MACROD2: variants seen among roughly 807,000 people sequenced by gnomAD.
MACROD2 encodes ADP-ribose glycohydrolase MACROD2.
MACROD2 carries 36 observed loss-of-function variants against 70.4 expected under a neutral mutation model. The observed-to-expected ratio is 0.51, with a 90% CI of 0.39 to 0.68. MACROD2 has a LOEUF of 0.68. Ranked by LOEUF, MACROD2 falls within the 30% of genes least tolerant of loss-of-function variation. The pLI, the probability that MACROD2 is intolerant of heterozygous loss-of-function variation, is 0.00. For synonymous variants in MACROD2, 172 were observed against 178.8 expected (o/e 0.96, Z 0.30); for missense variants, 496 against 538.4 (o/e 0.92, Z 0.78).
chr20:14,788,255 G>A (rs1293842585), intron 5 of MACROD2, among the ~76,000 whole-genome samples: 4 of 152,034 alleles, frequency 2.6e-5, no homozygotes, highest in African/African-American at 9.7e-5. Context: ...GGGATAAGCA[G>A]TGTATGCAGA....
At chr20:15,743,696 T>C (rs1005854032) in intron 8 of MACROD2, among the ~76,000 whole-genome samples, 4 of 152,298 alleles carry the variant, frequency 2.6e-5, no homozygotes, top group African/African-American at 7.2e-5. Flanking sequence ...GCTGCACTTG[T>C]GTTTGAGCCA....
chr20:14,875,818 A>T (rs941113399), intron 5 of MACROD2, among the ~76,000 whole-genome samples: 2 of 152,060 alleles, frequency 1.3e-5, no homozygotes, highest in Non-Finnish European at 2.9e-5. Context: ...ATATAATTTT[A>T]TTCTTTTTCA....
At chr20:16,033,854 G>GTGC (rs1348110413) in intron 15 of MACROD2, among the ~76,000 whole-genome samples, 1 of 150,808 alleles carries the variant, frequency 6.6e-6, no homozygotes, top group African/African-American at 2.4e-5. Context: ...TCACAGTAGG[G>GTGC]GGTGGGGTGG....
chr20:14,683,844 CTTTAT>C (rs1179466034), intron 4 of MACROD2, among the ~76,000 whole-genome samples: 1 of 151,600 alleles, frequency 6.6e-6, no homozygotes, highest in African/African-American at 2.4e-5. Flanking sequence ...CTCTCTTTTC[CTTTAT>C]TTTATAATCT....
At chr20:15,436,996 T>C (rs2046435909) in intron 7 of MACROD2, among the ~76,000 whole-genome samples, 1 of 152,156 alleles carries the variant, frequency 6.6e-6, no homozygotes, top group South Asian at 2.1e-4. Flanking sequence ...TGCTTGCAGA[T>C]TGATGTTCAC....
At chr20:15,021,847 T>C (rs2075188903) in intron 5 of MACROD2, among the ~76,000 whole-genome samples, 1 of 152,170 alleles carries the variant, frequency 6.6e-6, no homozygotes, top group South Asian at 2.1e-4. Context: ...TGGACTTTAG[T>C]TAATAATAAT....
intron 3 of MACROD2, among the ~76,000 whole-genome samples, chr20:14,139,799 T>C (rs1006916255): frequency 6.6e-6 from 1 of 152,196 alleles, no homozygotes; most frequent in Non-Finnish European, 1.5e-5. Context: ...CTGAAATGCT[T>C]CCAAATCTGA....
chr20:15,426,467 C>A (rs1169632277), intron 6 of MACROD2, among the ~76,000 whole-genome samples: 1 of 152,082 alleles, frequency 6.6e-6, no homozygotes, highest in Non-Finnish European at 1.5e-5. Context: ...ACTTCAGCCT[C>A]CTGAGTAGCT....
At chr20:15,309,723 A>G (rs1022608559) in intron 6 of MACROD2, among the ~76,000 whole-genome samples, 18 of 152,184 alleles carry the variant, frequency 1.2e-4, no homozygotes, top group Non-Finnish European at 2.5e-4. Flanking sequence ...ATATTATAAT[A>G]TTCTATATAG....
At chr20:15,578,868 G>A (rs951969605) in intron 8 of MACROD2, among the ~76,000 whole-genome samples, 2 of 152,096 alleles carry the variant, frequency 1.3e-5, no homozygotes, top group Admixed American at 1.3e-4. Context: ...CTTATTTGTG[G>A]TAATAAGGCA....
Position 15,040,919 on chromosome 20 carries a change from A to G in MACROD2, c.419-189021A>G, listed in dbSNP as rs182376986. Among the ~76,000 whole-genome samples, 647 of 152,310 alleles carry G rather than the reference A, an allele frequency of 4.2e-3. 5 individuals carry two copies. The highest frequency in any genetic ancestry group is 0.015 in the African/African-American group (619 of 41,570). ...TTATGGCCTTTTCTCAACTCCTTGT[A>G]TAGAGATAGTTTTCCAGAAGTATTA... is the stretch of plus-strand genomic sequence containing the variant. On this transcript the variant is annotated intron_variant, in intron 5 of 17. Transcript: ENST00000684519.
intron 9 of MACROD2, among the ~76,000 whole-genome samples, chr20:15,884,338 C>T (rs1372936285): frequency 2.0e-5 from 3 of 151,952 alleles, no homozygotes; most frequent in South Asian, 2.1e-4. Context: ...GGCAGGTAGA[C>T]GAGGCTGAGG....
At chr20:14,051,578 G>A (rs1472810357) in intron 2 of MACROD2, among the ~76,000 whole-genome samples, 2 of 152,082 alleles carry the variant, frequency 1.3e-5, no homozygotes, top group South Asian at 2.1e-4. Context: ...GGAGAATCAC[G>A]TAAAGTAAGG....
chr20:14,922,634 A>T (rs1259827267), intron 5 of MACROD2, among the ~76,000 whole-genome samples: 4 of 152,188 alleles, frequency 2.6e-5, no homozygotes, highest in Middle Eastern at 3.2e-3. Context: ...GAAGCCCTTG[A>T]CAAGGCACTG....
At chr20:15,384,417 T>A (rs768607255) in intron 6 of MACROD2, among the ~76,000 whole-genome samples, 30 of 152,084 alleles carry the variant, frequency 2.0e-4, no homozygotes, top group Non-Finnish European at 4.3e-4. Context: ...TGCACCACCA[T>A]CCCTGGCTAA....
chr20:14,963,728 T>C (rs2074605297), intron 5 of MACROD2, among the ~76,000 whole-genome samples: 1 of 152,214 alleles, frequency 6.6e-6, no homozygotes, highest in African/African-American at 2.4e-5. Context: ...CTTTTCGAAA[T>C]TCTTGGAAGA....
At chr20:14,643,270 GTCTC>G (rs1985193476) in intron 4 of MACROD2, among the ~76,000 whole-genome samples, 1 of 152,112 alleles carries the variant, frequency 6.6e-6, no homozygotes, top group African/African-American at 2.4e-5. Context: ...GTTAATTGCA[GTCTC>G]TTAACATTAT....
chr20:15,856,859 C>A (rs77049786), intron 8 of MACROD2, among the ~76,000 whole-genome samples: 6,249 of 152,088 alleles, frequency 0.041, 279 homozygotes, highest in East Asian at 0.21. Flanking sequence ...TAATTACAAG[C>A]GGGGATGGAA....
chr20:15,720,992 A>G (rs1387082913), intron 8 of MACROD2, among the ~76,000 whole-genome samples: 1 of 152,192 alleles, frequency 6.6e-6, no homozygotes, highest in Non-Finnish European at 1.5e-5. Flanking sequence ...AACTTTGGTC[A>G]GATATTGGGG....
Sources: allele counts gnomAD v4.1 joint callset (sites outside exome capture counted in the v4.1 genomes callset), GRCh38; gene constraint gnomAD v4.1.1; transcripts MANE v1.5; gene names NCBI Gene and HGNC (gene_info 2026-07-23, HGNC 2026-07-21).